Variants in LDLRAD3 observed in about 807,000 individuals in gnomAD.
The protein encoded by LDLRAD3 is low-density lipoprotein receptor class A domain-containing protein 3.
LDLRAD3 carries 20 observed loss-of-function variants against 29.4 expected under a neutral mutation model. That is an observed-to-expected ratio of 0.68 (90% CI 0.48 to 0.99). The LOEUF is 0.99. LDLRAD3 is among the 50% of genes least tolerant of loss of function. The probability of loss-of-function intolerance (pLI) is 0.00; values close to 1 mark genes in which losing one functional copy is unlikely to be tolerated. For missense variants in LDLRAD3, 420 were observed against 454.3 expected (o/e 0.92, Z 0.69); for synonymous variants, 157 against 192.7 (o/e 0.81, Z 1.53).
At chr11:36,071,397 A>G (rs764977161) in intron 2 of LDLRAD3, among the ~76,000 whole-genome samples, 1 of 149,462 alleles carries the variant, frequency 6.7e-6, no homozygotes, top group Non-Finnish European at 1.5e-5. Context: ...TTGACCTAGC[A>G]GTTATACTTT....
intron 4 of LDLRAD3, among the ~76,000 whole-genome samples, chr11:36,110,766 T>C (rs1853594447): frequency 6.6e-6 from 1 of 152,222 alleles, no homozygotes; most frequent in Admixed American, 6.5e-5. Flanking sequence ...CATAATAGCC[T>C]GCAGATAATT....
rs116401280 is a variant in LDLRAD3 at position 35,981,694 on chromosome 11, A to G, written c.46+37550A>G. Among the ~76,000 whole-genome samples, 579 of 152,268 alleles carry G rather than the reference A, an allele frequency of 3.8e-3. 3 individuals are homozygous for G. Among genetic ancestry groups the G allele is most frequent in the African/African-American group, 0.013 (546 of 41,556 alleles). ...CTTGCCTGCAGTTTGCCAAAGTCGCATTGGCAGGATAGACTTGGAAATGCA... is the reference window on the plus strand; with the variant it reads ...CTTGCCTGCAGTTTGCCAAAGTCGCGTTGGCAGGATAGACTTGGAAATGCA... On this transcript the variant is annotated intron_variant, in intron 1 of 5. Transcript: ENST00000315571.
chr11:36,114,232 C>T (rs1853644216), intron 4 of LDLRAD3, among the ~76,000 whole-genome samples: 4 of 152,164 alleles, frequency 2.6e-5, no homozygotes, highest in African/African-American at 9.7e-5. Flanking sequence ...GTTCACACAG[C>T]CTGAGAGAGA....
chr11:36,143,577 G>A (rs1247123102), intron 4 of LDLRAD3, among the ~76,000 whole-genome samples: 1 of 152,210 alleles, frequency 6.6e-6, no homozygotes, highest in Non-Finnish European at 1.5e-5. Flanking sequence ...AAGAGAAACA[G>A]GTATGGAGAC....
At position 36,231,977 on chromosome 11, in the gene LDLRAD3, T is replaced by C. The variant is rs1021639887; in HGVS notation, c.*2580T>C. 3.3e-5 allele frequency: 5 copies of C among 152,250 alleles called. No individual in the cohort carries two copies. Among genetic ancestry groups the C allele is most frequent in the Non-Finnish European group, 7.3e-5 (5 of 68,046 alleles). The allele number at this position is 152,250 out of a possible 1,614,324, so 9.4% of individuals were successfully genotyped here. On this transcript the variant is annotated 3_prime_UTR_variant, in exon 6 of 6. Coordinates refer to ENST00000315571, the MANE Select transcript of LDLRAD3 (RefSeq NM_174902.4). ...TGACTCAGCTCCCTCTACCTTGAAA[T>C]TGACATTTTTAAAAAATGCAACTAA...
In LDLRAD3 at chr11:36,122,134, C is replaced by A. The variant is rs186765614; in HGVS notation, c.454+23673C>A. 6.2e-4 allele frequency among the ~76,000 whole-genome samples: 95 copies of A among 152,256 alleles called. 1 individual carries two copies. The East Asian group carries it at 0.016, about 26-fold the overall frequency. ...CTCTTAACTATGCCTTCCACAGACACAATCCATGCACCTTAGGATTTTTAC... is the reference window on the plus strand; with the variant it reads ...CTCTTAACTATGCCTTCCACAGACAAAATCCATGCACCTTAGGATTTTTAC... On this transcript the variant is annotated intron_variant, in intron 4 of 5. Transcript: ENST00000315571.
chr11:36,035,981 G>T, intron 1 of LDLRAD3, 122 bp from the exon 2 acceptor site: 1 of 889,088 alleles, frequency 1.1e-6, no homozygotes, highest in South Asian at 1.8e-5. Context: ...GAAACTGAAG[G>T]TCAGAGAGGT....
intron 1 of LDLRAD3, 131 bp from the exon 2 acceptor site, chr11:36,035,972 A>G: frequency 1.3e-6 from 1 of 792,718 alleles, no homozygotes; most frequent in South Asian, 2.0e-5. Flanking sequence ...ACAGATGAGG[A>G]AACTGAAGGT....
chr11:36,050,472 T>G (rs1852511657), intron 2 of LDLRAD3, among the ~76,000 whole-genome samples: 1 of 152,218 alleles, frequency 6.6e-6, no homozygotes, highest in Non-Finnish European at 1.5e-5. Flanking sequence ...ATGGCCCTGA[T>G]GCAGAACATG....
intron 2 of LDLRAD3, among the ~76,000 whole-genome samples, chr11:36,050,305 A>G (rs1852509391): frequency 6.6e-6 from 1 of 152,180 alleles, no homozygotes; most frequent in East Asian, 1.9e-4. Context: ...CATCACCGTC[A>G]CTCTGCTGCA....
Position 36,056,324 on chromosome 11 carries a change from T to C in LDLRAD3, c.193+20075T>C, listed in dbSNP as rs576918372. 2.0e-5 allele frequency among the ~76,000 whole-genome samples: 3 copies of C among 152,208 alleles called. No individual in the cohort carries two copies. The East Asian group carries it at 5.8e-4, about 29-fold the overall frequency. ...CTGCCTTTAAACAGCAACTGAATTT[T>C]ATATAATAGGCACTGTGCCCAATGC... On this transcript the variant is annotated intron_variant, in intron 2 of 5. Transcript: ENST00000315571.
rs545331580 is a variant in LDLRAD3 at position 35,994,783 on chromosome 11, A to G, written c.47-41320A>G. On this transcript the variant is annotated intron_variant, in intron 1 of 5. Coordinates refer to ENST00000315571, the MANE Select transcript of LDLRAD3 (RefSeq NM_174902.4). ...TTATGGAATATTCTAAATCCTTGTC[A>G]TTTCAACAGTGTTCATAGCATCTCC... Among the ~76,000 whole-genome samples the G allele has an allele frequency of 1.5e-4, 23 of 152,266 alleles. No individual in the cohort carries two copies. In the South Asian group the frequency reaches 4.4e-3, roughly 29 times the overall value.
intron 3 of LDLRAD3, among the ~76,000 whole-genome samples, chr11:36,097,582 A>G (rs538443133): frequency 7.2e-5 from 11 of 152,320 alleles, no homozygotes; most frequent in African/African-American, 1.9e-4. Flanking sequence ...GGCAAAATAG[A>G]TAACAGAGAC....
intron 1 of LDLRAD3, among the ~76,000 whole-genome samples, chr11:36,012,696 G>A (rs900975234): frequency 1.3e-5 from 2 of 152,116 alleles, no homozygotes; most frequent in African/African-American, 2.4e-5. Context: ...TCATCACACC[G>A]CTCAGAATTG....
At chr11:36,051,680 G>A (rs1349542645) in intron 2 of LDLRAD3, among the ~76,000 whole-genome samples, 2 of 152,030 alleles carry the variant, frequency 1.3e-5, no homozygotes, top group Non-Finnish European at 2.9e-5. Context: ...ATAATGACAC[G>A]ACTCATAAAT....
chr11:36,005,041 A>C (rs1018432396), intron 1 of LDLRAD3, among the ~76,000 whole-genome samples: 2 of 152,206 alleles, frequency 1.3e-5, no homozygotes, highest in African/African-American at 4.8e-5. Context: ...GTTCTCTGAA[A>C]TGCCCTGGAG....
intron 4 of LDLRAD3, among the ~76,000 whole-genome samples, chr11:36,111,859 A>G (rs962129805): frequency 1.3e-5 from 2 of 152,022 alleles, no homozygotes; most frequent in African/African-American, 4.8e-5. Flanking sequence ...GGCCTCCCAA[A>G]GTGTTGGGGT....
At chr11:35,949,515 T>A (rs1373822976) in intron 1 of LDLRAD3, among the ~76,000 whole-genome samples, 1 of 152,204 alleles carries the variant, frequency 6.6e-6, no homozygotes, top group African/African-American at 2.4e-5. Context: ...TCCCTTGCCA[T>A]CAAAAGGCCT....
At position 36,213,666 on chromosome 11, in the gene LDLRAD3, G is replaced by A. The variant is rs531968236; in HGVS notation, c.455-13419G>A. Among the ~76,000 whole-genome samples, 183 of 152,310 alleles carry A rather than the reference G, an allele frequency of 1.2e-3. No homozygotes were observed. The highest frequency in any genetic ancestry group is 2.2e-3 in the Non-Finnish European group (152 of 68,034). On this transcript the variant is annotated intron_variant, in intron 4 of 5. Transcript: ENST00000315571. The surrounding 1 kb of genome is among the most constrained non-coding windows in gnomAD (Gnocchi z 4.1). ...CCAGGGCCGCTCCCACCCTGGGAGTGCCATTGGGGTCAGGCCTGCTCCCCG... is the reference window on the plus strand; with the variant it reads ...CCAGGGCCGCTCCCACCCTGGGAGTACCATTGGGGTCAGGCCTGCTCCCCG...
Sources: allele counts gnomAD v4.1 joint callset (sites outside exome capture counted in the v4.1 genomes callset), GRCh38; gene constraint gnomAD v4.1.1; non-coding constraint Gnocchi (gnomAD v3.1); transcripts MANE v1.5; gene names NCBI Gene and HGNC (gene_info 2026-07-23, HGNC 2026-07-21).